RASGEF1A: variants seen among roughly 807,000 people sequenced by gnomAD.
The protein encoded by RASGEF1A is ras-GEF domain-containing family member 1A.
A neutral mutation model predicts 56.4 loss-of-function variants in RASGEF1A; 18 were observed. The ratio of observed to expected loss-of-function variants is 0.32; its 90% CI spans 0.22 to 0.47. The LOEUF (loss-of-function observed/expected upper bound fraction) is 0.47, where lower values mean the gene tolerates loss of function less well. RASGEF1A is among the 20% of genes least tolerant of loss of function. The pLI, the probability that RASGEF1A is intolerant of heterozygous loss-of-function variation, is 1.00. For synonymous variants in RASGEF1A, 245 were observed against 242.6 expected (o/e 1.01, Z -0.09); for missense variants, 422 against 627.1 (o/e 0.67, Z 3.49).
chr10:43,198,880 T>C (rs1588925262), intron 9 of RASGEF1A, 53 bp downstream of exon 9: 1 of 1,528,186 alleles, frequency 6.5e-7, no homozygotes, highest in Non-Finnish European at 9.1e-7. Flanking sequence ...CTTCGGGCCA[T>C]TGCGGGACGA....
intron 2 of RASGEF1A, among the ~76,000 whole-genome samples, chr10:43,204,672 T>C (rs1839967164): frequency 6.8e-6 from 1 of 146,764 alleles, no homozygotes; most frequent in Non-Finnish European, 1.5e-5. Context: ...AAGGGTGGGG[T>C]GGCGGGGGAG....
In RASGEF1A at chr10:43,196,415, C is replaced by T. The variant is rs773052510; in HGVS notation, c.1421+61G>A. On this transcript the variant is annotated intron_variant, in intron 12 of 12. Transcript: ENST00000395810. This position sits in a 1 kb window ranked among gnomAD's most constrained non-coding sequence, Gnocchi z 4.6. ...GCTCCCTTTCCAGGAGGGTAACCCTCGTGCCCACCCTGAGTCCTCCCTCTT... is the reference window on the plus strand; with the variant it reads ...GCTCCCTTTCCAGGAGGGTAACCCTTGTGCCCACCCTGAGTCCTCCCTCTT... 2.0e-5 allele frequency: 31 copies of T among 1,573,180 alleles called. No homozygotes were observed. The highest frequency in any genetic ancestry group is 1.3e-4 in the South Asian group (12 of 90,278).
intron 1 of RASGEF1A, among the ~76,000 whole-genome samples, chr10:43,221,385 G>A (rs1189901427): frequency 6.6e-6 from 1 of 152,186 alleles, no homozygotes; most frequent in Non-Finnish European, 1.5e-5. Context: ...GCCAGACACA[G>A]CCGTCTCCAT....
intron 1 of RASGEF1A, among the ~76,000 whole-genome samples, chr10:43,227,495 TC>T (rs1276050651): frequency 1.3e-5 from 2 of 152,120 alleles, no homozygotes; most frequent in Non-Finnish European, 2.9e-5. Context: ...ATCCCACCTC[TC>T]CTGGGGAAGC....
intron 1 of RASGEF1A, among the ~76,000 whole-genome samples, chr10:43,253,580 G>A (rs1445434514): frequency 3.3e-5 from 5 of 152,230 alleles, no homozygotes; most frequent in Admixed American, 6.5e-5. Context: ...AGATGGTGGC[G>A]TCAGGGGACC....
chr10:43,253,199 A>G (rs567819504), intron 1 of RASGEF1A, among the ~76,000 whole-genome samples: 3 of 151,936 alleles, frequency 2.0e-5, no homozygotes, highest in Admixed American at 1.3e-4. Context: ...CACACCCCCC[A>G]CCACCTCATC....
chr10:43,256,314 C>T (rs916711374), intron 1 of RASGEF1A, among the ~76,000 whole-genome samples: 10 of 152,180 alleles, frequency 6.6e-5, no homozygotes, highest in Admixed American at 1.3e-4. Context: ...GCAGCCAGTG[C>T]GGAGCTTGGT....
intron 1 of RASGEF1A, among the ~76,000 whole-genome samples, chr10:43,215,584 C>T (rs942840338): frequency 3.9e-5 from 6 of 152,196 alleles, no homozygotes; most frequent in Non-Finnish European, 5.9e-5. Context: ...AAGGGATAAC[C>T]GGCCAGTTCT....
chr10:43,199,791 TA>T (rs2133179923), intron 6 of RASGEF1A, 23 bp from the exon 7 acceptor site: 4 of 1,596,296 alleles, frequency 2.5e-6, no homozygotes, highest in Non-Finnish European at 3.4e-6. Context: ...CAGCAGGTCA[TA>T]GGGGGCCTGG....
In RASGEF1A at chr10:43,199,151, A is replaced by G; in HGVS notation, c.893T>C (p.Ile298Thr). 6.2e-7 allele frequency: 1 copy of G among 1,613,854 alleles called. No individual in the cohort carries two copies. The highest frequency in any genetic ancestry group is 8.5e-7 in the Non-Finnish European group (1 of 1,179,976). The change falls in exon 8 of 13, where the codon ATT (isoleucine) becomes ACT (threonine). Residue 298 changes from isoleucine to threonine, a missense_variant. Coordinates refer to ENST00000395810, the MANE Select transcript of RASGEF1A (RefSeq NM_145313.4). ...KHRTRMLEFF[I>T]DVARECFNIG... ...GTTGAAGCACTCCCGGGCCACATCA[A>G]TGAAGAACTCCAACATGCGGGTCCG...
intron 1 of RASGEF1A, among the ~76,000 whole-genome samples, chr10:43,236,905 G>A (rs1439228647): frequency 1.3e-5 from 2 of 152,032 alleles, no homozygotes; most frequent in Non-Finnish European, 2.9e-5. Context: ...ACCATAGGGG[G>A]GTCTCAGGGC....
chr10:43,254,682 G>A (rs1564544142), intron 1 of RASGEF1A, among the ~76,000 whole-genome samples: 1 of 152,194 alleles, frequency 6.6e-6, no homozygotes, highest in Non-Finnish European at 1.5e-5. Flanking sequence ...TGTGCTCCCT[G>A]AGCAAGTCTC....
intron 1 of RASGEF1A, among the ~76,000 whole-genome samples, chr10:43,250,501 T>A (rs966923482): frequency 6.6e-6 from 1 of 152,212 alleles, no homozygotes; most frequent in African/African-American, 2.4e-5. Context: ...TAGAAACAGA[T>A]TCCTGGGCTC....
At chr10:43,229,052 T>C (rs1392008333) in intron 1 of RASGEF1A, among the ~76,000 whole-genome samples, 2 of 152,214 alleles carry the variant, frequency 1.3e-5, no homozygotes, top group Non-Finnish European at 2.9e-5. Flanking sequence ...CAGTGCTCCA[T>C]GCTCAGGTCC....
At chr10:43,199,041 C>A in intron 8 of RASGEF1A, 29 bp from the exon 9 acceptor site, 1 of 1,454,542 alleles carries the variant, frequency 6.9e-7, no homozygotes, top group South Asian at 1.1e-5. Flanking sequence ...AGGGTCAGGG[C>A]CGGGGGGGTG....
At chr10:43,233,419 T>G (rs907073954) in intron 1 of RASGEF1A, among the ~76,000 whole-genome samples, 1 of 152,138 alleles carries the variant, frequency 6.6e-6, no homozygotes, top group Non-Finnish European at 1.5e-5. Flanking sequence ...AAAGAACTCA[T>G]GTAAATAAAA....
chr10:43,207,562 G>C, intron 1 of RASGEF1A: 1 of 985,542 alleles, frequency 1.0e-6, no homozygotes, highest in Non-Finnish European at 1.2e-6. Context: ...GGCAAGGAGA[G>C]CAAGAACGCA....
chr10:43,241,151 G>C (rs1226518636), intron 1 of RASGEF1A, among the ~76,000 whole-genome samples: 4 of 152,082 alleles, frequency 2.6e-5, no homozygotes, highest in African/African-American at 9.7e-5. Context: ...ACCATTAAAG[G>C]TAACTTTACT....
rs1366681531 is a variant in RASGEF1A, at chr10:43,200,744, G to C, written c.604C>G (p.Pro202Ala). ...CCCAGGATGTCCTTCTGGGCGGCTG[G>C]TGGCTTGGTCTTGAGGATGGGCCCC... ...DKGPILKTKP[P>A]AAQKDILGVC... The change falls in exon 5 of 13, where the codon CCA becomes GCA. Residue 202 changes from proline (P) to alanine (A), a missense_variant. Around this residue, in one of 2 missense-constraint regions of RASGEF1A, gnomAD observed 273 missense variants for 339.9 expected, o/e 0.80. Transcript: ENST00000395810. 6.2e-7 allele frequency: 1 copy of C among 1,613,776 alleles called. No homozygotes were observed. The highest frequency in any genetic ancestry group is 8.5e-7 in the Non-Finnish European group (1 of 1,180,050).
Sources: allele counts gnomAD v4.1 joint callset (sites outside exome capture counted in the v4.1 genomes callset), GRCh38; gene constraint gnomAD v4.1.1; regional missense constraint gnomAD v4.1.1; non-coding constraint Gnocchi (gnomAD v3.1); transcripts MANE v1.5; gene names NCBI Gene and HGNC (gene_info 2026-07-23, HGNC 2026-07-21).